Variants in CREB3L3 observed in about 807,000 individuals in gnomAD.
The protein encoded by CREB3L3 is cyclic AMP-responsive element-binding protein 3-like protein 3.
CREB3L3 carries 40 observed loss-of-function variants against 44.6 expected under a neutral mutation model. The ratio of observed to expected loss-of-function variants is 0.90; its 90% CI spans 0.70 to 1.17. CREB3L3 has a LOEUF of 1.17. Ranked by LOEUF, CREB3L3 falls within the 50% of genes most tolerant of loss-of-function variation. CREB3L3 has a pLI of 0.00. For synonymous variants in CREB3L3, 273 were observed against 256.3 expected, an observed-to-expected ratio of 1.06 and a Z score of -0.62; for missense variants, 578 against 595.8, an observed-to-expected ratio of 0.97 and a Z score of 0.31.
chr19:4,160,787 G>A (rs1301139231), intron 4 of CREB3L3, among the ~76,000 whole-genome samples: 1 of 151,182 alleles, frequency 6.6e-6, no homozygotes, highest in Non-Finnish European at 1.5e-5. Flanking sequence ...AGGCTGGAGT[G>A]CAGTGGCGTG....
At chr19:4,167,062 G>A (rs576825609) in intron 5 of CREB3L3, among the ~76,000 whole-genome samples, 1 of 152,206 alleles carries the variant, frequency 6.6e-6, no homozygotes, top group Admixed American at 6.6e-5. Flanking sequence ...ACACTTATTG[G>A]CCGGGTGTGG....
At chr19:4,167,405 GAAA>G in intron 5 of CREB3L3, among the ~76,000 whole-genome samples, 1 of 129,360 alleles carries the variant, frequency 7.7e-6, no homozygotes, top group Admixed American at 8.1e-5. Context: ...AAGAAAGAAA[GAAA>G]GGAAAAGAAA....
rs1438203537 is a variant in CREB3L3 at position 4,157,036 on chromosome 19, C to T, written c.198C>T (p.Ser66=). ...PNPDSDDFLS[S]ILGSGDSLPS... ...CCGACTCTGACGACTTCCTCAGCTCCATCCTGGGCTCTGGAGACTCACTGC... is the reference window on the plus strand; with the variant it reads ...CCGACTCTGACGACTTCCTCAGCTCTATCCTGGGCTCTGGAGACTCACTGC... Residue 66 remains serine, a synonymous_variant, in exon 3 of 10, where the codon TCC becomes TCT. Transcript: ENST00000078445. 1.2e-6 allele frequency: 2 copies of T among 1,613,946 alleles called. No homozygotes were observed. The highest frequency in any genetic ancestry group is 1.3e-5 in the African/African-American group (1 of 74,884).
chr19:4,159,712 C>T lies in CREB3L3; in HGVS notation c.506C>T (p.Pro169Leu), dbSNP rs372036104. The change falls in exon 4 of 10, where the codon CCG (proline) becomes CTG (leucine). Residue 169 changes from proline to leucine, a missense_variant. Transcript: ENST00000078445. ...GRICAEKPAD[P>L]VDLSPRCNLT... ...ATCTGTGCTGAGAAGCCGGCTGATCCGGTGGACCTGTCCCCACGATGCAAT... is the reference window on the plus strand; with the variant it reads ...ATCTGTGCTGAGAAGCCGGCTGATCTGGTGGACCTGTCCCCACGATGCAAT... The T allele has an allele frequency of 1.9e-5, 31 of 1,602,470 alleles. No homozygotes were observed. Among genetic ancestry groups the T allele is most frequent in the African/African-American group, 8.0e-5 (6 of 74,684 alleles).
At position 4,171,275 on chromosome 19, in the gene CREB3L3, C is replaced by A; in HGVS notation, c.975+100C>A. ...TCCAAGCTCTCCTTGTGCCCCAGCTCAAGTATGATCCAGTCTGGTCTTTGG... is the reference window on the plus strand; with the variant it reads ...TCCAAGCTCTCCTTGTGCCCCAGCTAAAGTATGATCCAGTCTGGTCTTTGG... On this transcript the variant is annotated intron_variant, in intron 8 of 9. Transcript: ENST00000078445. This position sits in a 1 kb window ranked among gnomAD's most constrained non-coding sequence, Gnocchi z 4.9. 7.0e-7 allele frequency: 1 copy of A among 1,435,340 alleles called. No individual in the cohort carries two copies. Among genetic ancestry groups the A allele is most frequent in the Non-Finnish European group, 9.8e-7 (1 of 1,024,738 alleles). 88.9% of individuals were successfully genotyped at this position (1,435,340 alleles called of 1,614,324 possible). A position where few individuals can be genotyped will look rare whatever the true frequency, so the allele number is the denominator to read the frequency against.
chr19:4,169,981 C>T (rs1456051857), intron 6 of CREB3L3, among the ~76,000 whole-genome samples, 159 bp from the exon 7 acceptor site: 1 of 152,120 alleles, frequency 6.6e-6, no homozygotes, highest in African/African-American at 2.4e-5. Flanking sequence ...GGTTCAAATC[C>T]CAGCCCTGTC....
chr19:4,172,071 C>T lies in CREB3L3; in HGVS notation c.*102C>T, dbSNP rs1967064254. The stretch of plus-strand genomic sequence containing the variant: ...TGGGGATGGGACGTGAGGCCAAGAC[C>T]CCAGCAGAGATGCCAGAATGGGGGA... On this transcript the variant is annotated 3_prime_UTR_variant, in exon 10 of 10. Coordinates refer to ENST00000078445, the MANE Select transcript of CREB3L3 (RefSeq NM_032607.3). The T allele has an allele frequency of 1.6e-6, 2 of 1,226,950 alleles. No homozygotes were observed. 76.0% of individuals were successfully genotyped at this position (1,226,950 alleles called of 1,614,324 possible). A position where few individuals can be genotyped will look rare whatever the true frequency, so the allele number is the denominator to read the frequency against.
At chr19:4,165,183 T>C (rs1255849258) in intron 5 of CREB3L3, among the ~76,000 whole-genome samples, 3 of 151,798 alleles carry the variant, frequency 2.0e-5, no homozygotes, top group Non-Finnish European at 1.5e-5. Context: ...ACTTTTTTTT[T>C]TTTTTGGAGA....
chr19:4,167,484 GAA>G (rs1382794795), intron 5 of CREB3L3, among the ~76,000 whole-genome samples: 4 of 118,060 alleles, frequency 3.4e-5, no homozygotes, highest in Middle Eastern at 6.6e-3. Context: ...GAAAAGGAAA[GAA>G]AGAGAGAAAG....
Position 4,171,802 on chromosome 19 carries a change from G to C in CREB3L3, c.1219G>C (p.Asp407His). 6.2e-7 allele frequency: 1 copy of C among 1,613,608 alleles called. No homozygotes were observed. Among genetic ancestry groups the C allele is most frequent in the Non-Finnish European group, 8.5e-7 (1 of 1,180,018 alleles). The change falls in exon 10 of 10, where the codon GAC (aspartate) becomes CAC (histidine). Residue 407 changes from aspartate to histidine, a missense_variant. Coordinates refer to ENST00000078445, the MANE Select transcript of CREB3L3 (RefSeq NM_032607.3). This position sits in a 1 kb window ranked among gnomAD's most constrained non-coding sequence, Gnocchi z 4.9. The part of the protein sequence containing the change: ...GSPGADWGFQ[D>H]TANLTNSTEE... ...CCCCGGGGCAGACTGGGGCTTCCAG[G>C]ACACCGCGAACCTGACCAATTCGAC...
chr19:4,155,015 C>T lies in CREB3L3; in HGVS notation c.144C>T (p.His48=), dbSNP rs769373153. The change falls in exon 2 of 10, where the codon CAC becomes CAT. Residue 48 remains histidine, a synonymous_variant. Coordinates refer to ENST00000078445, the MANE Select transcript of CREB3L3 (RefSeq NM_032607.3). The part of the protein sequence containing the change: ...RHVELGEGWG[H]VKDQQVLPNP... Reference sequence around the variant, plus strand: ...TGGAGCTGGGCGAGGGCTGGGGTCACGTCAAGGACCAGGTGAGGAGTCCAC... The same window carrying T: ...TGGAGCTGGGCGAGGGCTGGGGTCATGTCAAGGACCAGGTGAGGAGTCCAC... 18 of 1,608,430 alleles carry T rather than the reference C, an allele frequency of 1.1e-5. No individual in the cohort carries two copies. The highest frequency in any genetic ancestry group is 1.4e-5 in the Non-Finnish European group (16 of 1,179,982).
At chr19:4,161,358 C>T (rs539287542) in intron 4 of CREB3L3, among the ~76,000 whole-genome samples, 153 of 152,202 alleles carry the variant, frequency 1.0e-3, no homozygotes, top group Middle Eastern at 3.4e-3. Flanking sequence ...AAGTGATCCT[C>T]CTGCTTTGTC....
chr19:4,168,093 G>A (rs1599343921), intron 5 of CREB3L3, among the ~76,000 whole-genome samples: 1 of 151,572 alleles, frequency 6.6e-6, no homozygotes, highest in African/African-American at 2.4e-5. Flanking sequence ...CCGCCTCCCG[G>A]GTTCATGCCA....
Position 4,171,662 on chromosome 19 carries a change from C to T in CREB3L3, c.1079C>T (p.Ser360Phe). The T allele has an allele frequency of 1.2e-6, 2 of 1,613,354 alleles. No homozygotes were observed. Among genetic ancestry groups the T allele is most frequent in the Non-Finnish European group, 8.5e-7 (1 of 1,179,996 alleles). Reference protein sequence around the residue: ...PGDFAPVRVFSRTLHNDAASR... With the variant: ...PGDFAPVRVFFRTLHNDAASR... The stretch of plus-strand genomic sequence containing the variant: ...GCCCCCCTTCCCCAATCAGTGTTCT[C>T]CAGAACTTTGCACAACGATGCTGCC... Residue 360 changes from serine to phenylalanine, a missense_variant, in exon 10 of 10, where the codon TCC becomes TTC. By Grantham distance (155) the Ser-to-Phe change is radical. Transcript: ENST00000078445. The surrounding 1 kb of genome is among the most constrained non-coding windows in gnomAD (Gnocchi z 4.9).
intron 4 of CREB3L3, among the ~76,000 whole-genome samples, chr19:4,160,113 TG>T (rs771924600): frequency 1.3e-5 from 2 of 151,828 alleles, no homozygotes; most frequent in Non-Finnish European, 2.9e-5. Context: ...CTGGGCAACA[TG>T]GTGAAACCCC....
chr19:4,158,540 G>A (rs1416834351), intron 3 of CREB3L3, among the ~76,000 whole-genome samples: 1 of 151,848 alleles, frequency 6.6e-6, no homozygotes, highest in Non-Finnish European at 1.5e-5. Flanking sequence ...AGTGGTTCAC[G>A]CCTGTAATCC....
rs1008899587 is a variant in CREB3L3, at chr19:4,157,085, G to A, written c.247G>A (p.Glu83Lys). ...SLPSSPLWSPEGSDSGISEDL... is the reference protein window; with the variant it reads ...SLPSSPLWSPKGSDSGISEDL... ...GCCCAGCTCCCCACTCTGGTCCCCC[G>A]AAGGCAGTGATAGTGGCATCTCCGA... is the stretch of plus-strand genomic sequence containing the variant. The change falls in exon 3 of 10, where the codon GAA becomes AAA. Residue 83 changes from glutamate (E) to lysine (K), a missense_variant. Glu to Lys is a moderately conservative substitution (Grantham distance 56). Coordinates refer to ENST00000078445, the MANE Select transcript of CREB3L3 (RefSeq NM_032607.3). 6.8e-6 allele frequency: 11 copies of A among 1,613,764 alleles called. No homozygotes were observed. Among genetic ancestry groups the A allele is most frequent in the East Asian group, 2.2e-5 (1 of 44,864 alleles).
rs117131634 is a variant in CREB3L3 at position 4,157,978 on chromosome 19, C to T, written c.457+683C>T. 1.4e-3 allele frequency among the ~76,000 whole-genome samples: 206 copies of T among 152,242 alleles called. No homozygotes were observed. In the East Asian group the frequency reaches 0.037, roughly 28 times the overall value. On this transcript the variant is annotated intron_variant, in intron 3 of 9. Coordinates refer to ENST00000078445, the MANE Select transcript of CREB3L3 (RefSeq NM_032607.3). ...GAGATTACAGGTGTGAGCCGCTCCA[C>T]CCAGCCTGTAGATGCTCAATAAAAG...
At chr19:4,167,755 C>T (rs980733389) in intron 5 of CREB3L3, among the ~76,000 whole-genome samples, 2 of 152,080 alleles carry the variant, frequency 1.3e-5, no homozygotes, top group South Asian at 4.2e-4. Context: ...AAAAGACCCT[C>T]AGAACCCAGG....
Sources: gnomAD v4.1 joint callset for allele counts (sites outside exome capture counted in the v4.1 genomes callset) on GRCh38, gnomAD v4.1.1 for gene constraint, Gnocchi (gnomAD v3.1) non-coding constraint, MANE v1.5 for transcripts, NCBI Gene and HGNC (gene_info 2026-07-23, HGNC 2026-07-21) for gene names.